CTNND2: variants seen among roughly 807,000 people sequenced by gnomAD.
CTNND2 encodes catenin delta 2, also known as catenin delta-2.
In CTNND2, 22 loss-of-function variants were observed where a neutral mutation model predicts 144.4. The ratio of observed to expected loss-of-function variants is 0.15; its 90% CI spans 0.11 to 0.22. The LOEUF (loss-of-function observed/expected upper bound fraction) is 0.22, where lower values mean the gene tolerates loss of function less well. CTNND2 is among the 10% of genes least tolerant of loss of function. The pLI is 1.00. For synonymous variants in CTNND2, 751 were observed against 695.6 expected (o/e 1.08, Z -1.25); for missense variants, 1,353 against 1,618.8 (o/e 0.84, Z 2.82).
At chr5:11,126,990 C>T (rs1239533983) in intron 12 of CTNND2, among the ~76,000 whole-genome samples, 1 of 152,248 alleles carries the variant, frequency 6.6e-6, no homozygotes, top group East Asian at 1.9e-4. Context: ...CAGGTTTGGG[C>T]TAAGTTCCAG....
intron 1 of CTNND2, among the ~76,000 whole-genome samples, chr5:11,874,660 G>A (rs143474300): frequency 1.3e-5 from 2 of 152,260 alleles, no homozygotes; most frequent in African/African-American, 4.8e-5. Flanking sequence ...GAATGGGACA[G>A]CGAGATTTCA....
At chr5:11,299,739 G>C (rs1749387091) in intron 9 of CTNND2, among the ~76,000 whole-genome samples, 1 of 152,178 alleles carries the variant, frequency 6.6e-6, no homozygotes, top group Non-Finnish European at 1.5e-5. Flanking sequence ...AGGATGCTGA[G>C]AACAAGTGCA....
intron 20 of CTNND2, among the ~76,000 whole-genome samples, chr5:10,987,848 T>C (rs1034469473): frequency 2.0e-5 from 3 of 151,868 alleles, no homozygotes; most frequent in Non-Finnish European, 4.4e-5. Context: ...TCTCTCTAAT[T>C]TGAAAGAATA....
At position 11,075,304 on chromosome 5, in the gene CTNND2, CAGA is replaced by C. The variant is rs61750299; in HGVS notation, c.2788+7389_2788+7391del. Reference sequence around the variant, plus strand: ...ATGGGGAGAGAAGGCATTGGCTGGACAGAAGCTCAGCTAGTTGGTAAAGTGAAA... The same window carrying C: ...ATGGGGAGAGAAGGCATTGGCTGGACAGCTCAGCTAGTTGGTAAAGTGAAA... On this transcript the variant is annotated intron_variant, in intron 16 of 21. Coordinates refer to ENST00000304623, the MANE Select transcript of CTNND2 (RefSeq NM_001332.4). Among the ~76,000 whole-genome samples the C allele has an allele frequency of 2.9e-3, 436 of 152,264 alleles. 1 individual carries two copies. Among genetic ancestry groups the C allele is most frequent in the Middle Eastern group, 0.01 (3 of 294 alleles).
intron 9 of CTNND2, among the ~76,000 whole-genome samples, chr5:11,317,104 C>T (rs925904448): frequency 2.6e-5 from 4 of 152,142 alleles, no homozygotes; most frequent in African/African-American, 4.8e-5. Context: ...AAATGCAAAT[C>T]AAAACCACAA....
intron 9 of CTNND2, among the ~76,000 whole-genome samples, chr5:11,245,540 G>C (rs1437855049): frequency 6.6e-6 from 1 of 152,134 alleles, no homozygotes; most frequent in African/African-American, 2.4e-5. Context: ...GCCAAGGGGT[G>C]CAAGGAATGC....
chr5:11,600,903 A>AT (rs140209012), intron 2 of CTNND2, among the ~76,000 whole-genome samples: 3,574 of 152,228 alleles, frequency 0.023, 121 homozygotes, highest in African/African-American at 0.083. Flanking sequence ...GAAGTCATCC[A>AT]TGAGTGCTTG....
At chr5:11,199,418 A>T in intron 11 of CTNND2, 30 bp downstream of exon 11, 1 of 1,577,118 alleles carries the variant, frequency 6.3e-7, no homozygotes, top group Middle Eastern at 2.0e-4. Flanking sequence ...ATCTTGAGAT[A>T]TAATATAATA....
intron 5 of CTNND2, among the ~76,000 whole-genome samples, chr5:11,404,799 G>A (rs901006901): frequency 4.0e-5 from 6 of 151,646 alleles, no homozygotes; most frequent in Admixed American, 2.0e-4. Flanking sequence ...TTGTAGAGAT[G>A]GGGTTTCACC....
At position 11,470,980 on chromosome 5, in the gene CTNND2, A is replaced by ATATATATATT. The variant is rs1219093645; in HGVS notation, c.288-58912_288-58911insAATATATATA. ...TATATATATATATATATATATATAT[A>ATATATATATT]TTTTTTTTTTTTTTTTAGATGGAGT... On this transcript the variant is annotated intron_variant, in intron 3 of 21. Transcript: ENST00000304623. 9.8e-3 allele frequency among the ~76,000 whole-genome samples: 893 copies of ATATATATATT among 91,458 alleles called. 10 individuals carry two copies. Among genetic ancestry groups the ATATATATATT allele is most frequent in the Middle Eastern group, 0.014 (2 of 148 alleles). The allele number at this position is 91,458 out of a possible 152,430, so 60.0% of individuals were successfully genotyped here. A position where few individuals can be genotyped will look rare whatever the true frequency, so the allele number is the denominator to read the frequency against.
Position 11,903,508 on chromosome 5 carries a change from T to G in CTNND2, c.37+309A>C. On this transcript the variant is annotated intron_variant, in intron 1 of 21. Coordinates refer to ENST00000304623, the MANE Select transcript of CTNND2 (RefSeq NM_001332.4). The surrounding 1 kb of genome is among the most constrained non-coding windows in gnomAD (Gnocchi z 5.4). ...GTTCTCAGGGTGGCGGGGAGCAGCA[T>G]TGTCGGTGTTGCCCTAAATACGCTT... 8.9e-6 allele frequency: 5 copies of G among 560,424 alleles called. No individual in the cohort carries two copies. The highest frequency in any genetic ancestry group is 6.8e-5 in the East Asian group (1 of 14,756). 34.7% of individuals were successfully genotyped at this position (560,424 alleles called of 1,614,324 possible).
At chr5:11,047,902 T>C (rs979147082) in intron 16 of CTNND2, among the ~76,000 whole-genome samples, 3 of 152,200 alleles carry the variant, frequency 2.0e-5, no homozygotes, top group Non-Finnish European at 4.4e-5. Flanking sequence ...GTTTAAGTCC[T>C]GTTGTTTTCG....
At chr5:11,222,130 A>C (rs1251988570) in intron 10 of CTNND2, among the ~76,000 whole-genome samples, 2 of 152,188 alleles carry the variant, frequency 1.3e-5, no homozygotes, top group African/African-American at 2.4e-5. Flanking sequence ...TCTTCTGCTC[A>C]CCATTGCAAA....
At chr5:11,662,840 A>C (rs761781506) in intron 2 of CTNND2, among the ~76,000 whole-genome samples, 20 of 152,076 alleles carry the variant, frequency 1.3e-4, no homozygotes, top group Non-Finnish European at 2.6e-4. Context: ...CCATGGAAAA[A>C]CTGTCTTCCG....
intron 9 of CTNND2, among the ~76,000 whole-genome samples, chr5:11,312,159 C>A (rs1751029725): frequency 3.4e-5 from 5 of 147,770 alleles, no homozygotes; most frequent in Non-Finnish European, 6.0e-5. Flanking sequence ...ACACACACTC[C>A]CCATACACCG....
At chr5:11,161,902 A>G (rs995247468) in intron 11 of CTNND2, among the ~76,000 whole-genome samples, 1 of 152,174 alleles carries the variant, frequency 6.6e-6, no homozygotes, top group Non-Finnish European at 1.5e-5. Flanking sequence ...CTGTAATATC[A>G]GCACTTTGGG....
chr5:11,681,743 G>A (rs1561688661), intron 2 of CTNND2, among the ~76,000 whole-genome samples: 1 of 152,150 alleles, frequency 6.6e-6, no homozygotes, highest in East Asian at 1.9e-4. Flanking sequence ...AATTTGATGT[G>A]TACTTCCTAA....
intron 3 of CTNND2, among the ~76,000 whole-genome samples, chr5:11,497,638 A>G (rs943576258): frequency 6.6e-6 from 1 of 151,802 alleles, no homozygotes. Flanking sequence ...TAATAGACAC[A>G]GGCAAAGGTG....
intron 2 of CTNND2, among the ~76,000 whole-genome samples, chr5:11,650,294 T>C (rs372281459): frequency 1.5e-4 from 23 of 152,294 alleles, no homozygotes; most frequent in African/African-American, 4.3e-4. Flanking sequence ...GCCATGATAG[T>C]GAGTTTCCTG....
Sources: gnomAD v4.1 joint callset for allele counts (sites outside exome capture counted in the v4.1 genomes callset) on GRCh38, gnomAD v4.1.1 for gene constraint, Gnocchi (gnomAD v3.1) non-coding constraint, MANE v1.5 for transcripts, NCBI Gene and HGNC (gene_info 2026-07-23, HGNC 2026-07-21) for gene names.